MYOF: variants seen among roughly 807,000 people sequenced by gnomAD.
MYOF encodes the protein myoferlin, also known as fer-1-like 3, myoferlin.
A neutral mutation model predicts 284.2 loss-of-function variants in MYOF; 244 were observed. The ratio of observed to expected loss-of-function variants is 0.86; its 90% CI spans 0.77 to 0.95. The LOEUF is 0.95. MYOF is among the 40% of genes least tolerant of loss of function. MYOF has a pLI of 0.00. For synonymous variants in MYOF, 904 were observed against 919.7 expected, an observed-to-expected ratio of 0.98 and a Z score of 0.31; for missense variants, 2,496 against 2,560.6, an observed-to-expected ratio of 0.97 and a Z score of 0.54.
chr10:93,324,905 G>A (rs1198545558), intron 46 of MYOF, among the ~76,000 whole-genome samples: 3 of 151,850 alleles, frequency 2.0e-5, no homozygotes, highest in East Asian at 1.9e-4. Context: ...TCAGCCTCCC[G>A]AGTAGCTGGG....
At chr10:93,460,482 G>A (rs2056847106) in intron 1 of MYOF, among the ~76,000 whole-genome samples, 2 of 152,272 alleles carry the variant, frequency 1.3e-5, no homozygotes, top group Non-Finnish European at 2.9e-5. Flanking sequence ...TCCACAGGCT[G>A]GCTGGACATG....
At chr10:93,376,337 T>C (rs1251988777) in intron 22 of MYOF, among the ~76,000 whole-genome samples, 2 of 152,134 alleles carry the variant, frequency 1.3e-5, no homozygotes, top group African/African-American at 4.8e-5. Flanking sequence ...CTTGAACAAA[T>C]AGATGTCTAC....
intron 40 of MYOF, 110 bp from the exon 41 acceptor site, chr10:93,336,156 A>G: frequency 1.6e-6 from 2 of 1,262,142 alleles, no homozygotes; most frequent in Non-Finnish European, 2.2e-6. Context: ...GGGCGACCGG[A>G]ACTCCCAAAT....
chr10:93,359,746 T>C lies in MYOF; in HGVS notation c.3120+87A>G, dbSNP rs1039040091. On this transcript the variant is annotated intron_variant, in intron 29 of 53. Coordinates refer to ENST00000359263, the MANE Select transcript of MYOF (RefSeq NM_013451.4). The stretch of plus-strand genomic sequence containing the variant: ...TGTTAGGCTCTGGATTTGCAAATAA[T>C]TTCTGCAGAAATGGCTAGTTAGCTG... The C allele has an allele frequency of 9.0e-6, 14 of 1,558,048 alleles. No homozygotes were observed. In the African/African-American group the frequency reaches 1.8e-4, roughly 20 times the overall value.
chr10:93,311,025 T>G (rs998707254), intron 51 of MYOF, among the ~76,000 whole-genome samples: 2 of 152,230 alleles, frequency 1.3e-5, no homozygotes, highest in Non-Finnish European at 2.9e-5. Flanking sequence ...AGGCTCCCAG[T>G]AAGAGAACAG....
chr10:93,463,394 ATT>A (rs1554872325), intron 1 of MYOF, among the ~76,000 whole-genome samples: 3 of 78,936 alleles, frequency 3.8e-5, no homozygotes, highest in Non-Finnish European at 6.9e-5. Flanking sequence ...GTCTCTACAA[ATT>A]TTTTTTTTTT....
intron 46 of MYOF, among the ~76,000 whole-genome samples, chr10:93,325,570 A>G (rs1843008859): frequency 6.6e-6 from 1 of 152,170 alleles, no homozygotes; most frequent in Non-Finnish European, 1.5e-5. Flanking sequence ...AAATAGACTC[A>G]GAGAAACAGA....
Position 93,351,507 on chromosome 10 carries a change from T to C in MYOF, c.3728A>G (p.Asp1243Gly). 2 of 1,614,200 alleles carry C rather than the reference T, an allele frequency of 1.2e-6. No homozygotes were observed. The highest frequency in any genetic ancestry group is 8.5e-7 in the Non-Finnish European group (1 of 1,180,034). ...GTGCCAGAGAAGTTTGGGTGTGATG[T>C]CCATTTCTGAGTTCAGTTTCACCAC... ...SPVVKLNSEMDITPKLLWHPV... is the reference protein window; with the variant it reads ...SPVVKLNSEMGITPKLLWHPV... Residue 1243 changes from aspartate to glycine, a missense_variant, in exon 34 of 54, where the codon GAC becomes GGC. Physicochemically the swap from Asp to Gly is moderately conservative, Grantham distance 94. Around this residue, in one of 3 missense-constraint regions of MYOF, gnomAD observed 2,436 missense variants for 2,480.7 expected, o/e 0.98. Coordinates refer to ENST00000359263, the MANE Select transcript of MYOF (RefSeq NM_013451.4).
rs373327470 is a variant in MYOF, at chr10:93,343,794, C to T, written c.4326+62G>A. The T allele has an allele frequency of 1.8e-5, 28 of 1,536,646 alleles. 1 individual carries two copies. Among genetic ancestry groups the T allele is most frequent in the African/African-American group, 1.5e-4 (11 of 73,340 alleles). ...GTTGTTTGACTGAATTCACCAAATG[C>T]TTAGACATCTAAGCATAGAAGATAA... On this transcript the variant is annotated intron_variant, in intron 38 of 53. Transcript: ENST00000359263.
Position 93,359,930 on chromosome 10 carries a change from C to A in MYOF, c.3023G>T (p.Trp1008Leu). Reference sequence around the variant, plus strand: ...GTGGTACATTTTCTCTGCTGCAACCCAGGATTTGGGCTTATGATCAGGAGG... The same window carrying A: ...GTGGTACATTTTCTCTGCTGCAACCAAGGATTTGGGCTTATGATCAGGAGG... Reference protein sequence around the residue: ...TIPPDHKPKSWVAAEKMYHTH... With the variant: ...TIPPDHKPKSLVAAEKMYHTH... The change falls in exon 29 of 54, where the codon TGG becomes TTG. Residue 1008 changes from tryptophan to leucine, a missense_variant. Trp to Leu is a moderately conservative substitution (Grantham distance 61, BLOSUM62 -2). Transcript: ENST00000359263. 1 of 1,614,142 alleles carries A rather than the reference C, an allele frequency of 6.2e-7. No homozygotes were observed. Among genetic ancestry groups the A allele is most frequent in the South Asian group, 1.1e-5 (1 of 91,080 alleles).
intron 12 of MYOF, among the ~76,000 whole-genome samples, chr10:93,399,963 G>T (rs746539692): frequency 6.6e-6 from 1 of 152,208 alleles, no homozygotes; most frequent in Non-Finnish European, 1.5e-5. Flanking sequence ...CTTGAATCTT[G>T]CAGTTAGCCA....
At chr10:93,477,028 T>C (rs757567335) in intron 1 of MYOF, among the ~76,000 whole-genome samples, 1 of 152,184 alleles carries the variant, frequency 6.6e-6, no homozygotes, top group Non-Finnish European at 1.5e-5. Context: ...CCCAAGGAGA[T>C]GGATGTTTTA....
intron 1 of MYOF, among the ~76,000 whole-genome samples, chr10:93,463,674 A>T (rs554994915): frequency 1.3e-5 from 2 of 151,940 alleles, no homozygotes; most frequent in East Asian, 3.9e-4. Flanking sequence ...TGCTGCAATT[A>T]CAGGCGTGAG....
At chr10:93,460,252 GA>G (rs1475943538) in intron 1 of MYOF, among the ~76,000 whole-genome samples, 2 of 152,308 alleles carry the variant, frequency 1.3e-5, no homozygotes, top group African/African-American at 4.8e-5. Context: ...CCAGGAAACA[GA>G]GAACACGGAA....
chr10:93,324,893 C>A (rs989572618), intron 46 of MYOF, among the ~76,000 whole-genome samples: 3 of 152,138 alleles, frequency 2.0e-5, no homozygotes, highest in Non-Finnish European at 4.4e-5. Context: ...GATTCTCCTG[C>A]CTCAGCCTCC....
intron 3 of MYOF, among the ~76,000 whole-genome samples, chr10:93,437,973 A>C (rs1418789140): frequency 6.6e-6 from 1 of 152,186 alleles, no homozygotes; most frequent in African/African-American, 2.4e-5. Context: ...CCTCCTCCTA[A>C]GCCTGTGCTT....
At chr10:93,408,266 C>G (rs1181757673) in intron 7 of MYOF, among the ~76,000 whole-genome samples, 3 of 151,978 alleles carry the variant, frequency 2.0e-5, no homozygotes, top group African/African-American at 7.3e-5. Flanking sequence ...TAAATAAATG[C>G]TGGCCGGGCG....
rs1375983345 is a variant in MYOF, at chr10:93,397,266, TTA to T, written c.1313_1314del (p.Ile438LysfsTer6). 1 of 1,598,164 alleles carries T rather than the reference TTA, an allele frequency of 6.3e-7. No individual in the cohort carries two copies. The highest frequency in any genetic ancestry group is 8.6e-7 in the Non-Finnish European group (1 of 1,168,708). On this transcript the variant is annotated frameshift_variant, in exon 15 of 54. Coordinates refer to ENST00000359263, the MANE Select transcript of MYOF (RefSeq NM_013451.4). LOFTEE classifies it high-confidence loss of function. ...QIKFPSVCEKIKLTIYDWDRL... is the reference protein window; with the variant it reads ...QIKFPSVCEKXKLTIYDWDRL... ...ACTCACCAGTCATATATTGTTAGTTTTATTTTTTCACACACTGAAGGAAACTA... is the reference window on the plus strand; with the variant it reads ...ACTCACCAGTCATATATTGTTAGTTTTTTTTTCACACACTGAAGGAAACTA...
chr10:93,394,867 T>C (rs1846919851), intron 16 of MYOF, among the ~76,000 whole-genome samples: 1 of 150,874 alleles, frequency 6.6e-6, no homozygotes, highest in Non-Finnish European at 1.5e-5. Context: ...TAATATCTAA[T>C]ACTATATATA....
Sources: allele counts gnomAD v4.1 joint callset (sites outside exome capture counted in the v4.1 genomes callset), GRCh38; gene constraint gnomAD v4.1.1; regional missense constraint gnomAD v4.1.1; transcripts MANE v1.5; gene names NCBI Gene and HGNC (gene_info 2026-07-23, HGNC 2026-07-21).